Variants in TBL1X observed in about 807,000 individuals in gnomAD.
TBL1X encodes the protein transducin beta like 1 X-linked.
A neutral mutation model predicts 50.7 loss-of-function variants in TBL1X; 10 were observed. The observed-to-expected ratio is 0.20, with a 90% CI of 0.12 to 0.33. The LOEUF (loss-of-function observed/expected upper bound fraction) is 0.33, where lower values mean the gene tolerates loss of function less well. TBL1X is among the 10% of genes least tolerant of loss of function. The probability of loss-of-function intolerance (pLI) is 1.00; values close to 1 mark genes in which losing one functional copy is unlikely to be tolerated. For missense variants in TBL1X, 340 were observed against 504.4 expected (o/e 0.67, Z 3.12); for synonymous variants, 190 against 214.7 (o/e 0.88, Z 1.01).
intron 2 of TBL1X, among the ~76,000 whole-genome samples, chrX:9,516,854 T>C (rs1350049093): frequency 1.8e-5 from 2 of 112,298 alleles, no homozygotes; most frequent in African/African-American, 6.5e-5. Flanking sequence ...TTCAGCAATT[T>C]TGCTGTGAGC....
At chrX:9,557,682 T>C (rs559811885) in intron 2 of TBL1X, among the ~76,000 whole-genome samples, 8 of 111,163 alleles carry the variant, frequency 7.2e-5, no homozygotes, top group Middle Eastern at 4.6e-3. Flanking sequence ...CAGGGAGATA[T>C]GAAGCAGGCA....
intron 2 of TBL1X, among the ~76,000 whole-genome samples, chrX:9,583,101 A>G (rs2082450766): frequency 8.9e-6 from 1 of 112,597 alleles, no homozygotes; most frequent in African/African-American, 3.2e-5. Flanking sequence ...GCAGAGATGT[A>G]TTGTGTCATT....
chrX:9,493,138 A>G (rs948344520), intron 1 of TBL1X, among the ~76,000 whole-genome samples: 3 of 110,227 alleles, frequency 2.7e-5, no homozygotes, highest in African/African-American at 9.9e-5. Flanking sequence ...CTTTCTAGGA[A>G]CTCTTTATGC....
intron 2 of TBL1X, among the ~76,000 whole-genome samples, chrX:9,517,290 C>T (rs1002332798): frequency 9.0e-6 from 1 of 111,265 alleles, no homozygotes; most frequent in South Asian, 3.8e-4. Context: ...GCTCTTTGAA[C>T]TGTGGATTCC....
intron 1 of TBL1X, among the ~76,000 whole-genome samples, chrX:9,469,138 A>G (rs985568685): frequency 1.6e-4 from 17 of 108,748 alleles, no homozygotes; most frequent in Non-Finnish European, 2.5e-4. Context: ...TAGAATTATT[A>G]TAATGCTTGG....
At chrX:9,490,873 G>C (rs1295727046) in intron 1 of TBL1X, among the ~76,000 whole-genome samples, 1 of 111,883 alleles carries the variant, frequency 8.9e-6, no homozygotes, top group Non-Finnish European at 1.9e-5. Flanking sequence ...TGTTTTATTA[G>C]ATTTCTATTA....
intron 5 of TBL1X, among the ~76,000 whole-genome samples, chrX:9,671,960 C>T (rs780456710): frequency 8.9e-6 from 1 of 112,531 alleles, no homozygotes; most frequent in Non-Finnish European, 1.9e-5. Context: ...TTCAGTTGTA[C>T]GATCTTTTCT....
At chrX:9,657,383 C>T (rs2082870583) in intron 5 of TBL1X, among the ~76,000 whole-genome samples, 1 of 112,179 alleles carries the variant, frequency 8.9e-6, no homozygotes, top group South Asian at 3.7e-4. Flanking sequence ...CGCTCCTGTC[C>T]ATCCATTCAT....
chrX:9,471,557 C>T (rs763461400), intron 1 of TBL1X, among the ~76,000 whole-genome samples: 3 of 111,994 alleles, frequency 2.7e-5, no homozygotes, highest in African/African-American at 9.7e-5. Flanking sequence ...TCAGTTTTCC[C>T]ATGATTAAAA....
In TBL1X at chrX:9,697,439, T is replaced by C; in HGVS notation, c.1114+10T>C. On this transcript the variant is annotated intron_variant, in intron 12 of 17. Transcript: ENST00000645353. ...TTTCCTTTTCATTCAGGTGAGTTTTTTGTTGTTGTTGTTGTTGTTTGTTTT... is the reference window on the plus strand; with the variant it reads ...TTTCCTTTTCATTCAGGTGAGTTTTCTGTTGTTGTTGTTGTTGTTTGTTTT... 8.3e-7 allele frequency: 1 copy of C among 1,202,475 alleles called. No individual in the cohort carries two copies. The highest frequency in any genetic ancestry group is 1.1e-6 in the Non-Finnish European group (1 of 891,446).
intron 16 of TBL1X, 32 bp from the exon 17 acceptor site, chrX:9,714,870 G>A: frequency 8.4e-7 from 1 of 1,190,822 alleles, no homozygotes; most frequent in Non-Finnish European, 1.1e-6. Flanking sequence ...GGCGCCCCTT[G>A]CGTTGTAAGT....
chrX:9,698,884 G>C (rs984289163), intron 12 of TBL1X, among the ~76,000 whole-genome samples: 1 of 52,622 alleles, frequency 1.9e-5, no homozygotes, highest in African/African-American at 7.7e-5. Context: ...GTGCACTGGA[G>C]CCAGGCCAGG....
At chrX:9,702,617 A>G (rs1450167153) in intron 12 of TBL1X, among the ~76,000 whole-genome samples, 24 of 109,693 alleles carry the variant, frequency 2.2e-4, no homozygotes, top group Middle Eastern at 9.4e-3. Context: ...GAAAAAAAAA[A>G]AAAAAAAACT....
At chrX:9,599,164 G>A (rs781651978) in intron 2 of TBL1X, among the ~76,000 whole-genome samples, 2 of 109,794 alleles carry the variant, frequency 1.8e-5, no homozygotes, top group South Asian at 3.8e-4. Flanking sequence ...GGCTGGTCTC[G>A]AACTCCTGAC....
At chrX:9,652,864 AAAG>A (rs1444315003) in intron 3 of TBL1X, among the ~76,000 whole-genome samples, 1 of 109,834 alleles carries the variant, frequency 9.1e-6, no homozygotes, top group African/African-American at 3.3e-5. Flanking sequence ...AAAAAAAAAA[AAAG>A]AAAGAAAGAA....
chrX:9,549,817 G>A (rs779991291), intron 2 of TBL1X, among the ~76,000 whole-genome samples: 22 of 111,707 alleles, frequency 2.0e-4, no homozygotes, highest in African/African-American at 7.2e-4. Flanking sequence ...TAGGAGGGCT[G>A]GGGGTCAGGA....
chrX:9,682,298 C>A (rs1018771300), intron 5 of TBL1X, among the ~76,000 whole-genome samples: 1 of 112,054 alleles, frequency 8.9e-6, no homozygotes, highest in African/African-American at 3.2e-5. Context: ...TCCAAAAACA[C>A]AGGGGCGGAG....
intron 13 of TBL1X, among the ~76,000 whole-genome samples, chrX:9,707,831 G>A (rs1190875087): frequency 8.9e-6 from 1 of 112,059 alleles, no homozygotes; most frequent in Non-Finnish European, 1.9e-5. Flanking sequence ...GCCTGCCCCT[G>A]GGCCGCGAAA....
At chrX:9,665,489 C>CTATA (rs56756151) in intron 5 of TBL1X, among the ~76,000 whole-genome samples, 211 of 19,757 alleles carry the variant, frequency 0.011, 9 homozygotes, top group African/African-American at 0.014. Flanking sequence ...GATATTCAAG[C>CTATA]TATATATATA....
Sources: allele counts gnomAD v4.1 joint callset (sites outside exome capture counted in the v4.1 genomes callset), GRCh38; gene constraint gnomAD v4.1.1; transcripts MANE v1.5; gene names NCBI Gene and HGNC (gene_info 2026-07-23, HGNC 2026-07-21).